NREP: variants seen among roughly 807,000 people sequenced by gnomAD.
The protein encoded by NREP is neuronal regeneration-related protein.
A neutral mutation model predicts 8.6 loss-of-function variants in NREP; 5 were observed. That is an observed-to-expected ratio of 0.58 (90% confidence interval 0.30 to 1.22). The LOEUF (loss-of-function observed/expected upper bound fraction) is 1.22. Among genes scored for constraint, NREP ranks in the 50% most tolerant of loss-of-function variants. NREP has a pLI of 0.07. For synonymous variants in NREP, 27 were observed against 28.0 expected, an observed-to-expected ratio of 0.96 and a Z score of 0.11; for missense variants, 86 against 82.5, an observed-to-expected ratio of 1.04 and a Z score of -0.17.
At chr5:111,918,824 C>T (rs1220197316) in intron 2 of NREP, among the ~76,000 whole-genome samples, 1 of 152,140 alleles carries the variant, frequency 6.6e-6, no homozygotes, top group Non-Finnish European at 1.5e-5. Flanking sequence ...GACTAAAACA[C>T]CAAAAGCAAT....
At chr5:111,797,238 A>T (rs1411211858) in intron 2 of NREP, among the ~76,000 whole-genome samples, 2 of 152,224 alleles carry the variant, frequency 1.3e-5, no homozygotes, top group African/African-American at 2.4e-5. Flanking sequence ...AGTTCCAGGC[A>T]CTATGCAAGT....
chr5:111,951,889 AGCAATCAT>A (rs1756170762), intron 2 of NREP, among the ~76,000 whole-genome samples: 7 of 152,026 alleles, frequency 4.6e-5, no homozygotes, highest in Middle Eastern at 3.2e-3. Flanking sequence ...GAAATAATAG[AGCAATCAT>A]ATAACTGTAC....
At chr5:111,892,918 A>C (rs1754428610) in intron 2 of NREP, among the ~76,000 whole-genome samples, 1 of 152,192 alleles carries the variant, frequency 6.6e-6, no homozygotes, top group Non-Finnish European at 1.5e-5. Flanking sequence ...ACCTTCTACT[A>C]TGTGAAAGGA....
chr5:111,861,803 T>C (rs1354312700), intron 2 of NREP, among the ~76,000 whole-genome samples: 1 of 152,164 alleles, frequency 6.6e-6, no homozygotes, highest in African/African-American at 2.4e-5. Context: ...AGTAAAATTC[T>C]AAATATCCCA....
intron 2 of NREP, among the ~76,000 whole-genome samples, chr5:111,952,481 T>C (rs557467523): frequency 2.0e-5 from 3 of 152,240 alleles, no homozygotes; most frequent in African/African-American, 7.2e-5. Context: ...GTTATTATTA[T>C]TTATTTATTT....
chr5:111,793,364 G>A (rs1450670327), intron 2 of NREP, among the ~76,000 whole-genome samples: 1 of 152,126 alleles, frequency 6.6e-6, no homozygotes, highest in Non-Finnish European at 1.5e-5. Context: ...GAAGGGGGAG[G>A]GGAGGAGTGA....
intron 2 of NREP, among the ~76,000 whole-genome samples, chr5:111,920,571 C>A (rs760764483): frequency 6.6e-6 from 1 of 152,104 alleles, no homozygotes; most frequent in African/African-American, 2.4e-5. Context: ...GAAGAAAAAT[C>A]TCTGAAGCAG....
intron 2 of NREP, among the ~76,000 whole-genome samples, chr5:111,956,266 A>G (rs1756315918): frequency 6.6e-6 from 1 of 152,162 alleles, no homozygotes; most frequent in Non-Finnish European, 1.5e-5. Context: ...GCAGCAAGAA[A>G]ATAAACAACA....
chr5:111,756,962 G>A (rs1257701238), intron 1 of NREP, among the ~76,000 whole-genome samples, 174 bp downstream of exon 1: 1 of 152,128 alleles, frequency 6.6e-6, no homozygotes, highest in Non-Finnish European at 1.5e-5. Flanking sequence ...CCTGAATGCA[G>A]CACAACCAAA....
intron 2 of NREP, among the ~76,000 whole-genome samples, chr5:111,850,756 C>T (rs1350299922): frequency 3.9e-5 from 6 of 152,130 alleles, no homozygotes; most frequent in East Asian, 1.9e-4. Flanking sequence ...TGACCAATTT[C>T]GTAAAACACC....
chr5:111,735,245 C>A, intron 3 of NREP, 185 bp downstream of exon 3: 1 of 457,802 alleles, frequency 2.2e-6, no homozygotes, highest in Non-Finnish European at 3.9e-6. Context: ...ATAATGTGAA[C>A]TTTAAGTCAT....
At chr5:111,974,940 A>T (rs1008180423) in intron 2 of NREP, among the ~76,000 whole-genome samples, 1 of 152,228 alleles carries the variant, frequency 6.6e-6, no homozygotes. Context: ...CTGAGAACAA[A>T]GACCACGTGA....
intron 2 of NREP, among the ~76,000 whole-genome samples, chr5:111,887,837 G>A (rs942168328): frequency 3.3e-5 from 5 of 152,142 alleles, no homozygotes; most frequent in African/African-American, 1.2e-4. Context: ...CTTTACCCAA[G>A]TACAAATTGG....
intron 2 of NREP, among the ~76,000 whole-genome samples, chr5:111,959,524 G>C (rs1273208497): frequency 6.6e-6 from 1 of 151,920 alleles, no homozygotes; most frequent in Non-Finnish European, 1.5e-5. Context: ...GCATTGAAGA[G>C]CGTTTAGATT....
rs1748507002 is a variant in NREP at position 111,731,060 on chromosome 5, A to C, written c.82-14T>G. ...AGGAAGTCTTCCCTGCAAAGCAGGCAGACCCACACACAGACAGACACACAT... is the reference window on the plus strand; with the variant it reads ...AGGAAGTCTTCCCTGCAAAGCAGGCCGACCCACACACAGACAGACACACAT... On this transcript the variant is annotated splice_polypyrimidine_tract_variant and intron_variant, in intron 3 of 3. Coordinates refer to ENST00000257435, the MANE Select transcript of NREP (RefSeq NM_004772.4). 7 of 1,613,402 alleles carry C rather than the reference A, an allele frequency of 4.3e-6. No homozygotes were observed. Among genetic ancestry groups the C allele is most frequent in the Non-Finnish European group, 5.9e-6 (7 of 1,179,660 alleles).
intron 2 of NREP, among the ~76,000 whole-genome samples, chr5:111,959,357 TG>T (rs1394825235): frequency 6.6e-6 from 1 of 151,932 alleles, no homozygotes; most frequent in Non-Finnish European, 1.5e-5. Flanking sequence ...AGGCAGCCTC[TG>T]GGGGCTGATG....
chr5:111,782,366 G>C (rs576286623), intron 2 of NREP, among the ~76,000 whole-genome samples: 6 of 152,288 alleles, frequency 3.9e-5, no homozygotes, highest in African/African-American at 1.2e-4. Context: ...CACTTTGTTA[G>C]TTATCCGCCT....
chr5:111,936,459 T>C (rs577429578), intron 2 of NREP, among the ~76,000 whole-genome samples: 18 of 152,210 alleles, frequency 1.2e-4, no homozygotes, highest in Admixed American at 2.6e-4. Flanking sequence ...CAATTAAACC[T>C]CTTTTGTTTA....
intron 2 of NREP, among the ~76,000 whole-genome samples, chr5:111,925,347 C>T (rs546179286): frequency 6.6e-6 from 1 of 152,228 alleles, no homozygotes; most frequent in African/African-American, 2.4e-5. Context: ...CTTCTTACTG[C>T]CAGGACAGTC....
Sources: allele counts gnomAD v4.1 joint callset (sites outside exome capture counted in the v4.1 genomes callset), GRCh38; gene constraint gnomAD v4.1.1; transcripts MANE v1.5; gene names NCBI Gene and HGNC (gene_info 2026-07-23, HGNC 2026-07-21).